The following MYO1D variants were observed in gnomAD, a reference collection of about 807,000 sequenced individuals.
MYO1D encodes the protein myosin ID, also known as unconventional myosin-Id.
Under a neutral mutation model 122.0 loss-of-function variants are expected in MYO1D, and 83 were observed. The ratio of observed to expected loss-of-function variants is 0.68; its 90% CI spans 0.57 to 0.82. MYO1D has a LOEUF of 0.82. MYO1D is among the 40% of genes least tolerant of loss of function. MYO1D has a pLI of 0.00. For missense variants in MYO1D, 1,157 were observed against 1,269.5 expected, an observed-to-expected ratio of 0.91 and a Z score of 1.35; for synonymous variants, 464 against 446.9, an observed-to-expected ratio of 1.04 and a Z score of -0.48.
At chr17:32,824,327 T>C (rs1428411441) in intron 1 of MYO1D, among the ~76,000 whole-genome samples, 1 of 152,206 alleles carries the variant, frequency 6.6e-6, no homozygotes, top group Non-Finnish European at 1.5e-5. Context: ...AATAGACTAA[T>C]AAACTTTCAT....
chr17:32,570,865 C>G (rs2087219446), intron 21 of MYO1D, among the ~76,000 whole-genome samples: 1 of 152,130 alleles, frequency 6.6e-6, no homozygotes, highest in Admixed American at 6.6e-5. Context: ...CATGCATATC[C>G]TAAAGGTGTC....
chr17:32,761,613 C>G (rs1411983358), intron 8 of MYO1D, among the ~76,000 whole-genome samples: 1 of 152,134 alleles, frequency 6.6e-6, no homozygotes, highest in Non-Finnish European at 1.5e-5. Flanking sequence ...CTAGCACCTT[C>G]TAAATCATCT....
At chr17:32,512,642 G>A (rs938185366) in intron 21 of MYO1D, among the ~76,000 whole-genome samples, 4 of 152,200 alleles carry the variant, frequency 2.6e-5, no homozygotes, top group African/African-American at 9.7e-5. Context: ...TCTCATCCTC[G>A]TGCTACTCCC....
chr17:32,659,651 A>G (rs1284224613), intron 16 of MYO1D, among the ~76,000 whole-genome samples: 7 of 152,344 alleles, frequency 4.6e-5, no homozygotes, highest in East Asian at 3.9e-4. Context: ...ATATCTTTGG[A>G]TAAATATTTT....
chr17:32,776,341 G>A (rs1047736596), intron 3 of MYO1D, among the ~76,000 whole-genome samples: 2 of 152,102 alleles, frequency 1.3e-5, no homozygotes, highest in Non-Finnish European at 2.9e-5. Context: ...TGCATTGCAG[G>A]ATCCTTGTGT....
intron 14 of MYO1D, among the ~76,000 whole-genome samples, chr17:32,722,609 C>T (rs2089525318): frequency 6.6e-6 from 1 of 152,164 alleles, no homozygotes; most frequent in Admixed American, 6.5e-5. Context: ...GGAGGATAAG[C>T]CCTTATTTTC....
rs550969564 is a variant in MYO1D, at chr17:32,751,753, A to C, written c.1468-2747T>G. On this transcript the variant is annotated intron_variant, in intron 11 of 21. Transcript: ENST00000318217. ...AAGATCTCTACAAGGAGAACTACAA[A>C]ACACTGACAAAAGAAGTCATAGATG... Among the ~76,000 whole-genome samples the C allele has an allele frequency of 2.6e-5, 4 of 152,320 alleles. No individual in the cohort carries two copies. The East Asian group carries it at 7.7e-4, about 29-fold the overall frequency.
At chr17:32,517,422 G>C (rs771478307) in intron 21 of MYO1D, among the ~76,000 whole-genome samples, 3 of 152,190 alleles carry the variant, frequency 2.0e-5, no homozygotes, top group Non-Finnish European at 4.4e-5. Flanking sequence ...TTTGGGTTTG[G>C]TGAGTGTGTC....
At chr17:32,610,928 A>T (rs1425485153) in intron 20 of MYO1D, among the ~76,000 whole-genome samples, 1 of 152,058 alleles carries the variant, frequency 6.6e-6, no homozygotes, top group Non-Finnish European at 1.5e-5. Context: ...TTGCTTCCTT[A>T]TTTCTCCTAA....
intron 1 of MYO1D, among the ~76,000 whole-genome samples, chr17:32,843,402 A>G (rs1349514198): frequency 6.6e-6 from 1 of 152,224 alleles, no homozygotes; most frequent in Non-Finnish European, 1.5e-5. Flanking sequence ...AAAATAGAGA[A>G]GTGTGCTTAT....
intron 1 of MYO1D, among the ~76,000 whole-genome samples, chr17:32,838,906 C>T (rs575841284): frequency 1.8e-4 from 27 of 152,064 alleles, no homozygotes; most frequent in Non-Finnish European, 3.7e-4. Flanking sequence ...AATTTCCCTC[C>T]TATACACCCA....
intron 12 of MYO1D, among the ~76,000 whole-genome samples, chr17:32,745,901 T>C (rs111713254): frequency 0.017 from 2,542 of 151,142 alleles, 50 homozygotes; most frequent in African/African-American, 0.059. Flanking sequence ...AGGAATAGAA[T>C]TGTACTACTC....
intron 20 of MYO1D, among the ~76,000 whole-genome samples, chr17:32,634,947 G>A (rs979164985): frequency 5.3e-5 from 8 of 152,216 alleles, no homozygotes; most frequent in African/African-American, 1.9e-4. Context: ...AAATAGTGGA[G>A]GGAGGAGATC....
chr17:32,564,901 C>T (rs548395459), intron 21 of MYO1D, among the ~76,000 whole-genome samples: 4 of 152,330 alleles, frequency 2.6e-5, no homozygotes, highest in African/African-American at 9.6e-5. Flanking sequence ...CAGCATACCC[C>T]CCATCTCACA....
intron 21 of MYO1D, among the ~76,000 whole-genome samples, chr17:32,503,086 C>G (rs1488571137): frequency 6.6e-6 from 1 of 152,206 alleles, no homozygotes; most frequent in Admixed American, 6.5e-5. Flanking sequence ...CTCTTGTCTT[C>G]TGCTCTTAGA....
At chr17:32,819,038 A>C (rs1275399072) in intron 1 of MYO1D, among the ~76,000 whole-genome samples, 2 of 152,240 alleles carry the variant, frequency 1.3e-5, no homozygotes, top group Non-Finnish European at 1.5e-5. Flanking sequence ...CTATCTACAA[A>C]AAAGGAAGTT....
intron 6 of MYO1D, among the ~76,000 whole-genome samples, chr17:32,768,401 C>T (rs2151021304): frequency 6.6e-6 from 1 of 152,336 alleles, no homozygotes; most frequent in South Asian, 2.1e-4. Flanking sequence ...CTGTGGCCAT[C>T]ACATTGGAAA....
chr17:32,712,215 A>G lies in MYO1D; in HGVS notation c.1914-20T>C. ...TTATACCTGGATGAAAAAAAGAAAC[A>G]GGGTTAAGGGAGAAAACCATATGGT... is the stretch of plus-strand genomic sequence containing the variant. On this transcript the variant is annotated intron_variant, in intron 15 of 21. Coordinates refer to ENST00000318217, the MANE Select transcript of MYO1D (RefSeq NM_015194.3). The G allele has an allele frequency of 6.3e-7, 1 of 1,595,666 alleles. No individual in the cohort carries two copies. Among genetic ancestry groups the G allele is most frequent in the Non-Finnish European group, 8.6e-7 (1 of 1,164,840 alleles).
At chr17:32,795,075 T>G (rs2090399769) in intron 1 of MYO1D, among the ~76,000 whole-genome samples, 1 of 152,136 alleles carries the variant, frequency 6.6e-6, no homozygotes. Context: ...GTATCTCACA[T>G]GAGCTACTGA....
Sources: allele counts gnomAD v4.1 joint callset (sites outside exome capture counted in the v4.1 genomes callset), GRCh38; gene constraint gnomAD v4.1.1; transcripts MANE v1.5; gene names NCBI Gene and HGNC (gene_info 2026-07-23, HGNC 2026-07-21).